LRP2BP: variants seen among roughly 807,000 people sequenced by gnomAD.
LRP2BP encodes the protein LRP2 binding protein.
In LRP2BP, 38 loss-of-function variants were observed where a neutral mutation model predicts 45.2. That is an observed-to-expected ratio of 0.84 (90% confidence interval 0.65 to 1.10). The LOEUF is 1.10. LRP2BP is among the 50% of genes least tolerant of loss of function. LRP2BP has a pLI of 0.00. For missense variants in LRP2BP, 385 were observed against 418.9 expected (o/e 0.92, Z 0.71); for synonymous variants, 153 against 153.9 (o/e 0.99, Z 0.04).
intron 1 of LRP2BP, among the ~76,000 whole-genome samples, chr4:185,386,535 C>T (rs2095472242): frequency 6.6e-6 from 1 of 152,210 alleles, no homozygotes; most frequent in Non-Finnish European, 1.5e-5. Flanking sequence ...GGGCTCCAGC[C>T]TACCTCAGTG....
At chr4:185,396,889 T>C (rs760468797), upstream of LRP2BP, 1 of 1,612,218 alleles carries the variant, frequency 6.2e-7, no homozygotes, top group Non-Finnish European at 8.5e-7. Flanking sequence ...CTCTCTGCAC[T>C]TCCAAGGACT....
intron 2 of LRP2BP, 88 bp downstream of exon 2, chr4:185,377,991 AAC>A (rs2095443727): frequency 9.3e-7 from 1 of 1,070,002 alleles, no homozygotes; most frequent in Non-Finnish European, 1.4e-6. Context: ...AAATCAATAA[AAC>A]ACATTATTTC....
chr4:185,387,316 A>ATGTT (rs578082638), intron 1 of LRP2BP, among the ~76,000 whole-genome samples: 130 of 152,314 alleles, frequency 8.5e-4, no homozygotes, highest in African/African-American at 2.9e-3. Context: ...GGGAACAGAA[A>ATGTT]TGTTTTAGAA....
At chr4:185,380,973 G>T (rs551284725) in intron 1 of LRP2BP, among the ~76,000 whole-genome samples, 2 of 152,110 alleles carry the variant, frequency 1.3e-5, no homozygotes, top group Admixed American at 1.3e-4. Flanking sequence ...GAAAGATACA[G>T]AAATGTATAT....
intron 1 of LRP2BP, among the ~76,000 whole-genome samples, chr4:185,392,311 G>A (rs527357689): frequency 2.0e-5 from 3 of 152,208 alleles, no homozygotes; most frequent in Admixed American, 2.0e-4. Context: ...CTGATTACAG[G>A]CTCTCAGGAA....
intron 7 of LRP2BP, among the ~76,000 whole-genome samples, chr4:185,371,540 TAAAA>T (rs11288148): frequency 3.8e-5 from 3 of 78,296 alleles, no homozygotes; most frequent in African/African-American, 4.8e-5. Context: ...AGACTCCGTC[TAAAA>T]AAAAAAAAAA....
intron 1 of LRP2BP, among the ~76,000 whole-genome samples, chr4:185,388,545 T>C (rs549901691): frequency 8.7e-5 from 12 of 137,824 alleles, no homozygotes; most frequent in South Asian, 2.4e-4. Flanking sequence ...TATCTAGGAC[T>C]TCTAGTAAAC....
intron 3 of LRP2BP, among the ~76,000 whole-genome samples, chr4:185,376,143 C>T (rs1384890258): frequency 6.6e-6 from 1 of 152,154 alleles, no homozygotes; most frequent in African/African-American, 2.4e-5. Context: ...CAGTCTACTT[C>T]CCAGGCCACC....
chr4:185,393,294 C>G (rs190426644), intron 1 of LRP2BP, among the ~76,000 whole-genome samples: 276 of 152,272 alleles, frequency 1.8e-3, no homozygotes, highest in Non-Finnish European at 2.9e-3. Flanking sequence ...CATTACTAAA[C>G]ATATACAATC....
chr4:185,382,375 A>G (rs905196642), intron 1 of LRP2BP, among the ~76,000 whole-genome samples: 2 of 152,168 alleles, frequency 1.3e-5, no homozygotes, highest in Non-Finnish European at 2.9e-5. Context: ...TCTCTTGGGT[A>G]TGTACCTAGG....
chr4:185,385,318 G>A (rs766678643), intron 1 of LRP2BP, among the ~76,000 whole-genome samples: 8 of 152,144 alleles, frequency 5.3e-5, no homozygotes, highest in African/African-American at 1.2e-4. Context: ...ATTTACCCCC[G>A]GAGGTCAGCT....
intron 1 of LRP2BP, among the ~76,000 whole-genome samples, chr4:185,388,803 C>G (rs1561093284): frequency 1.1e-5 from 1 of 94,664 alleles, no homozygotes; most frequent in African/African-American, 2.8e-5. Context: ...AATGTGTTAA[C>G]ATCCTACTCA....
In LRP2BP at chr4:185,389,179, TTTTTTAA is replaced by T. The variant is rs530522747; in HGVS notation, c.-22+5593_-22+5599del. ...CAGATGTGAGCCACTACACCTGGCC[TTTTTTAA>T]TTTTTATTTATTTTTATTTTTATTT... On this transcript the variant is annotated intron_variant, in intron 1 of 8. Transcript: ENST00000505916. 3.3e-3 allele frequency among the ~76,000 whole-genome samples: 505 copies of T among 151,822 alleles called. 2 individuals carry two copies. Among genetic ancestry groups the T allele is most frequent in the African/African-American group, 0.012 (478 of 41,464 alleles).
intron 1 of LRP2BP, among the ~76,000 whole-genome samples, chr4:185,389,411 T>C (rs1256827165): frequency 4.0e-5 from 6 of 149,750 alleles, no homozygotes; most frequent in Admixed American, 6.7e-5. Context: ...GGGGTTTCAC[T>C]ATGTTGGCCA....
At chr4:185,393,334 G>C (rs1180595967) in intron 1 of LRP2BP, among the ~76,000 whole-genome samples, 4 of 152,128 alleles carry the variant, frequency 2.6e-5, no homozygotes, top group Non-Finnish European at 4.4e-5. Flanking sequence ...GGAATGAGTA[G>C]GTATTCTCAA....
rs775106458 is a variant in LRP2BP, at chr4:185,377,014, G to GTA, written c.109_110dup (p.His39ProfsTer13). 2.5e-6 allele frequency: 4 copies of GTA among 1,605,930 alleles called. No homozygotes were observed. The South Asian group carries it at 3.3e-5, about 13-fold the overall frequency. On this transcript the variant is annotated frameshift_variant, in exon 3 of 9. Coordinates refer to ENST00000505916, the MANE Select transcript of LRP2BP (RefSeq NM_001377440.1). LOFTEE classifies it high-confidence loss of function. Reference sequence around the variant, plus strand: ...CCTTATCCACCAAATTAGCATGGGTGTAATCTGATTTTAAAAAGGTAAGGA... The same window carrying GTA: ...CCTTATCCACCAAATTAGCATGGGTGTATAATCTGATTTTAAAAAGGTAAGGA...
At position 185,364,750 on chromosome 4, in the gene LRP2BP, A is replaced by G. The variant is rs1256625998; in HGVS notation, c.*2430T>C. On this transcript the variant is annotated 3_prime_UTR_variant, in exon 9 of 9. Coordinates refer to ENST00000505916, the MANE Select transcript of LRP2BP (RefSeq NM_001377440.1). ...ATTGATAAAAATTATCCTTCAAAAGACTATATAGAAAAGACCAGATAAAAT... is the reference window on the plus strand; with the variant it reads ...ATTGATAAAAATTATCCTTCAAAAGGCTATATAGAAAAGACCAGATAAAAT... 1 of 152,184 alleles carries G rather than the reference A, an allele frequency of 6.6e-6. No homozygotes were observed. The highest frequency in any genetic ancestry group is 2.4e-5 in the African/African-American group (1 of 41,444). The allele number at this position is 152,184 out of a possible 1,614,324, so 9.4% of individuals were successfully genotyped here. A position where few individuals can be genotyped will look rare whatever the true frequency, so the allele number is the denominator to read the frequency against.
At position 185,365,827 on chromosome 4, in the gene LRP2BP, T is replaced by C. The variant is rs2095386305; in HGVS notation, c.*1353A>G. 6.6e-6 allele frequency: 1 copy of C among 152,088 alleles called. No homozygotes were observed. The highest frequency in any genetic ancestry group is 2.4e-5 in the African/African-American group (1 of 41,416). The allele number at this position is 152,088 out of a possible 1,614,324, so 9.4% of individuals were successfully genotyped here. ...GGTATTAAGAGATTTGAGACAGAAA[T>C]ACATGACCATTTGAGGATATCTCAA... On this transcript the variant is annotated 3_prime_UTR_variant, in exon 9 of 9. Transcript: ENST00000505916.
At chr4:185,385,598 G>A (rs1005685164) in intron 1 of LRP2BP, among the ~76,000 whole-genome samples, 1 of 152,112 alleles carries the variant, frequency 6.6e-6, no homozygotes, top group Admixed American at 6.6e-5. Flanking sequence ...TGGACAAACT[G>A]AATGTATAGT....
Sources: gnomAD v4.1 joint callset for allele counts (sites outside exome capture counted in the v4.1 genomes callset) on GRCh38, gnomAD v4.1.1 for gene constraint, MANE v1.5 for transcripts, NCBI Gene and HGNC (gene_info 2026-07-23, HGNC 2026-07-21) for gene names.